The following MACROH2A2 variants were observed in gnomAD, a reference collection of about 807,000 sequenced individuals.
MACROH2A2 encodes core histone macro-H2A.2.
MACROH2A2 carries 6 observed loss-of-function variants against 37.6 expected under a neutral mutation model. The ratio of observed to expected loss-of-function variants is 0.16; its 90% CI spans 0.09 to 0.32. MACROH2A2 has a LOEUF of 0.32. MACROH2A2 is among the 10% of genes least tolerant of loss of function. The probability of loss-of-function intolerance (pLI) is 1.00; values close to 1 mark genes in which losing one functional copy is unlikely to be tolerated. For synonymous variants in MACROH2A2, 192 were observed against 202.7 expected (o/e 0.95, Z 0.45); for missense variants, 290 against 485.9 (o/e 0.60, Z 3.79).
At chr10:70,071,035 G>A (rs1223637015) in intron 1 of MACROH2A2, among the ~76,000 whole-genome samples, 1 of 151,630 alleles carries the variant, frequency 6.6e-6, no homozygotes, top group Non-Finnish European at 1.5e-5. Context: ...ATGTATGCGT[G>A]TGCACGTGCA....
intron 7 of MACROH2A2, among the ~76,000 whole-genome samples, chr10:70,101,004 T>C (rs1295641590): frequency 6.6e-6 from 1 of 152,192 alleles, no homozygotes; most frequent in East Asian, 1.9e-4. Flanking sequence ...GTCCAGAGCT[T>C]TGATATCACC....
At chr10:70,073,575 A>G (rs368037659) in intron 1 of MACROH2A2, among the ~76,000 whole-genome samples, 1 of 152,226 alleles carries the variant, frequency 6.6e-6, no homozygotes, top group Admixed American at 6.5e-5. Flanking sequence ...AGTACATATG[A>G]GCATTTTAAA....
chr10:70,095,630 C>T lies in MACROH2A2; in HGVS notation c.589-24C>T, dbSNP rs1171668258. 6 of 1,074,546 alleles carry T rather than the reference C, an allele frequency of 5.6e-6. No individual in the cohort carries two copies. The African/African-American group carries it at 9.4e-5, about 17-fold the overall frequency. 66.6% of individuals were successfully genotyped at this position (1,074,546 alleles called of 1,614,324 possible). ...AACAGAATTTTATCTTTTCCACATT[C>T]ACCACCTTTTCTTCCTAATGCAGCT... is the stretch of plus-strand genomic sequence containing the variant. On this transcript the variant is annotated intron_variant, in intron 5 of 8. Transcript: ENST00000373255.
At chr10:70,098,652 T>A (rs1042626584) in intron 6 of MACROH2A2, 1 of 152,264 alleles carries the variant, frequency 6.6e-6, no homozygotes, top group African/African-American at 2.4e-5. Flanking sequence ...TTTTTATAAC[T>A]TGGTGGTTGG....
At chr10:70,060,269 C>T (rs2072043087) in intron 1 of MACROH2A2, among the ~76,000 whole-genome samples, 1 of 151,858 alleles carries the variant, frequency 6.6e-6, no homozygotes, top group Admixed American at 6.6e-5. Flanking sequence ...ATTTGGGAGG[C>T]TGAGGCAGGA....
chr10:70,109,239 C>T lies in MACROH2A2; in HGVS notation c.953+32C>T, dbSNP rs749289966. Reference sequence around the variant, plus strand: ...TGCAGTTCCCCTGAGTTGATTCCTCCGGCTTTTTCCCTGGAAATCAGCTGC... The same window carrying T: ...TGCAGTTCCCCTGAGTTGATTCCTCTGGCTTTTTCCCTGGAAATCAGCTGC... On this transcript the variant is annotated intron_variant, in intron 8 of 8. Transcript: ENST00000373255. 1.5e-5 allele frequency: 24 copies of T among 1,586,538 alleles called. 1 individual carries two copies. Among genetic ancestry groups the T allele is most frequent in the Middle Eastern group, 4.0e-4 (2 of 5,014 alleles).
intron 2 of MACROH2A2, among the ~76,000 whole-genome samples, chr10:70,077,083 T>C (rs953702569): frequency 6.6e-6 from 1 of 152,150 alleles, no homozygotes; most frequent in Non-Finnish European, 1.5e-5. Context: ...TGGAGGGCTC[T>C]GAAAAGCAGT....
intron 1 of MACROH2A2, among the ~76,000 whole-genome samples, chr10:70,073,492 T>C (rs1216686732): frequency 6.6e-6 from 1 of 152,192 alleles, no homozygotes; most frequent in East Asian, 1.9e-4. Flanking sequence ...CATCTTTGCT[T>C]GTACCTAACT....
chr10:70,075,958 CAG>C lies in MACROH2A2; in HGVS notation c.172+129_172+130del, dbSNP rs1421697962. 1.4e-6 allele frequency: 1 copy of C among 731,356 alleles called. No individual in the cohort carries two copies. Among genetic ancestry groups the C allele is most frequent in the Non-Finnish European group, 2.3e-6 (1 of 442,772 alleles). 45.3% of individuals were successfully genotyped at this position (731,356 alleles called of 1,614,324 possible). A position where few individuals can be genotyped will look rare whatever the true frequency, so the allele number is the denominator to read the frequency against. On this transcript the variant is annotated intron_variant, in intron 2 of 8. Transcript: ENST00000373255. The surrounding 1 kb of genome is among the most constrained non-coding windows in gnomAD (Gnocchi z 5.0). ...GGCTCAAGGCTACTGTGGGTGGTGA[CAG>C]GGTTGCAACTGGCCTGCTTGGCTAA... is the stretch of plus-strand genomic sequence containing the variant.
At chr10:70,056,078 A>G (rs914664993) in intron 1 of MACROH2A2, among the ~76,000 whole-genome samples, 1 of 152,240 alleles carries the variant, frequency 6.6e-6, no homozygotes, top group African/African-American at 2.4e-5. Context: ...ATAAAATTAT[A>G]CATCTCTATA....
At chr10:70,065,156 C>T (rs2072072199) in intron 1 of MACROH2A2, among the ~76,000 whole-genome samples, 1 of 151,856 alleles carries the variant, frequency 6.6e-6, no homozygotes, top group Non-Finnish European at 1.5e-5. Context: ...AAGTGATTCT[C>T]CTGCCTCAGC....
At chr10:70,109,584 C>T (rs949919680) in intron 8 of MACROH2A2, among the ~76,000 whole-genome samples, 2 of 152,322 alleles carry the variant, frequency 1.3e-5, no homozygotes, top group Non-Finnish European at 2.9e-5. Context: ...GATCAGAAAA[C>T]GCCAGGCTCG....
At chr10:70,080,610 G>A (rs1435778800) in intron 2 of MACROH2A2, among the ~76,000 whole-genome samples, 2 of 151,914 alleles carry the variant, frequency 1.3e-5, no homozygotes, top group African/African-American at 2.4e-5. Flanking sequence ...TGCTGGGCAC[G>A]GTGGCTCAAA....
rs778240404 is a variant in MACROH2A2, at chr10:70,079,551, TCG to T, written c.172+3735_172+3736del. On this transcript the variant is annotated intron_variant, in intron 2 of 8. Coordinates refer to ENST00000373255, the MANE Select transcript of MACROH2A2 (RefSeq NM_018649.3). ...GGCCCTTGAAGGCCACGTTGAGGGTTCGCGCGCGCGCGCGCACACACACACAC... is the reference window on the plus strand; with the variant it reads ...GGCCCTTGAAGGCCACGTTGAGGGTTCGCGCGCGCGCGCACACACACACAC... Among the ~76,000 whole-genome samples the T allele has an allele frequency of 8.0e-3, 910 of 114,076 alleles. 5 individuals carry two copies. The highest frequency in any genetic ancestry group is 0.016 in the African/African-American group (479 of 29,946). The allele number at this position is 114,076 out of a possible 152,430, so 74.8% of individuals were successfully genotyped here.
At chr10:70,058,224 C>G (rs2072028992) in intron 1 of MACROH2A2, among the ~76,000 whole-genome samples, 1 of 152,218 alleles carries the variant, frequency 6.6e-6, no homozygotes, top group Non-Finnish European at 1.5e-5. Context: ...GAAGCCCTTA[C>G]TGTTCATTTA....
intron 3 of MACROH2A2, among the ~76,000 whole-genome samples, chr10:70,090,934 G>C (rs1227317245): frequency 6.6e-6 from 1 of 152,216 alleles, no homozygotes; most frequent in Non-Finnish European, 1.5e-5. Flanking sequence ...GGTAGTGTTG[G>C]TTTCGAATCT....
chr10:70,095,777 A>T lies in MACROH2A2; in HGVS notation c.688+24A>T, dbSNP rs1459980604. On this transcript the variant is annotated intron_variant, in intron 6 of 8. Coordinates refer to ENST00000373255, the MANE Select transcript of MACROH2A2 (RefSeq NM_018649.3). Reference sequence around the variant, plus strand: ...AGGTAAGGTCCTGAGACTTCAGTAGAAGTGCCATAGAATAGGCCACTGTTC... The same window carrying T: ...AGGTAAGGTCCTGAGACTTCAGTAGTAGTGCCATAGAATAGGCCACTGTTC... The T allele has an allele frequency of 2.6e-6, 3 of 1,141,862 alleles. No individual in the cohort carries two copies. In the Admixed American group the frequency reaches 5.1e-5, roughly 19 times the overall value. 70.7% of individuals were successfully genotyped at this position (1,141,862 alleles called of 1,614,324 possible). A position where few individuals can be genotyped will look rare whatever the true frequency, so the allele number is the denominator to read the frequency against.
intron 1 of MACROH2A2, among the ~76,000 whole-genome samples, chr10:70,057,581 C>T (rs1346430661): frequency 6.6e-6 from 1 of 152,160 alleles, no homozygotes. Context: ...ATGTGGCTCT[C>T]AGGGTTTTCC....
chr10:70,081,329 C>T (rs1190774384), intron 2 of MACROH2A2, among the ~76,000 whole-genome samples: 6 of 151,998 alleles, frequency 3.9e-5, no homozygotes, highest in Admixed American at 1.3e-4. Context: ...CTAGGTGTGT[C>T]GGGAGCTCAG....
Sources: gnomAD v4.1 joint callset for allele counts (sites outside exome capture counted in the v4.1 genomes callset) on GRCh38, gnomAD v4.1.1 for gene constraint, Gnocchi (gnomAD v3.1) non-coding constraint, MANE v1.5 for transcripts, NCBI Gene and HGNC (gene_info 2026-07-23, HGNC 2026-07-21) for gene names.